Variants in XDH observed in about 807,000 individuals in gnomAD.
The protein encoded by XDH is xanthine dehydrogenase.
A neutral mutation model predicts 156.1 loss-of-function variants in XDH; 138 were observed. The observed-to-expected ratio is 0.88, with a 90% CI of 0.77 to 1.02. The LOEUF is 1.02. XDH is among the 50% of genes least tolerant of loss of function. The pLI is 0.00. For synonymous variants in XDH, 669 were observed against 625.7 expected, an observed-to-expected ratio of 1.07 and a Z score of -1.03; for missense variants, 1,849 against 1,684.9, an observed-to-expected ratio of 1.10 and a Z score of -1.71.
chr2:31,361,440 A>G (rs1429099775), intron 24 of XDH, among the ~76,000 whole-genome samples: 2 of 152,242 alleles, frequency 1.3e-5, no homozygotes, highest in African/African-American at 4.8e-5. Context: ...TCAGACTGTA[A>G]CTTTGAAATC....
rs1227055977 is a variant in XDH at position 31,346,802 on chromosome 2, C to T, written c.3318G>A (p.Lys1106=). 16 of 1,614,044 alleles carry T rather than the reference C, an allele frequency of 9.9e-6. No individual in the cohort carries two copies. Among genetic ancestry groups the T allele is most frequent in the African/African-American group, 1.3e-5 (1 of 74,904 alleles). Residue 1106 remains lysine (K), a synonymous_variant, in exon 30 of 36, where the codon AAG becomes AAA. Transcript: ENST00000379416. ...CCCAGGAGCCACTGGGATTCTTCTT[C>T]TTGTAGGGTTCCAGCCTTTTCAAGA... ...QTILKRLEPY[K]KKNPSGSWED... is the part of the protein sequence containing the mutation.
intron 7 of XDH, 52 bp downstream of exon 7, chr2:31,388,175 C>A: frequency 6.3e-7 from 1 of 1,598,818 alleles, no homozygotes; most frequent in Non-Finnish European, 8.6e-7. Flanking sequence ...GCACTGACTC[C>A]TCTAAGTCTC....
At chr2:31,357,461 T>C (rs1685655564) in intron 24 of XDH, among the ~76,000 whole-genome samples, 1 of 152,160 alleles carries the variant, frequency 6.6e-6, no homozygotes, top group South Asian at 2.1e-4. Flanking sequence ...TATGAACGAT[T>C]CTACACACAT....
Position 31,348,310 on chromosome 2 carries a change from C to T in XDH, c.3105G>A (p.Gly1035=), listed in dbSNP as rs1327388914. 1.2e-6 allele frequency: 2 copies of T among 1,614,074 alleles called. No homozygotes were observed. The highest frequency in any genetic ancestry group is 1.7e-6 in the Non-Finnish European group (2 of 1,180,046). ...YTDGSVLLTH[G]GTEMGQGLHT... is the part of the protein sequence containing the mutation. ...GAAGGCCTTGGCCCATCTCAGTCCCCCCGTGGGTCAGCAGCACAGAGCCAT... is the reference window on the plus strand; with the variant it reads ...GAAGGCCTTGGCCCATCTCAGTCCCTCCGTGGGTCAGCAGCACAGAGCCAT... The change falls in exon 28 of 36, where the codon GGG becomes GGA. Residue 1035 remains glycine, a synonymous_variant. Coordinates refer to ENST00000379416, the MANE Select transcript of XDH (RefSeq NM_000379.4).
intron 34 of XDH, 85 bp downstream of exon 34, chr2:31,339,404 G>T (rs1213424462): frequency 1.3e-6 from 2 of 1,567,782 alleles, no homozygotes; most frequent in South Asian, 1.1e-5. Flanking sequence ...GTCCCACCAG[G>T]TGGGTCACTG....
At chr2:31,375,336 C>A (rs371716473) in intron 15 of XDH, 44 bp downstream of exon 15, 55 of 1,613,670 alleles carry the variant, frequency 3.4e-5, no homozygotes, top group Non-Finnish European at 4.4e-5. Context: ...CTTATATCCC[C>A]AAACATGCTA....
chr2:31,364,248 A>T lies in XDH; in HGVS notation c.2545-4T>A. 6.2e-7 allele frequency: 1 copy of T among 1,614,136 alleles called. No homozygotes were observed. Among genetic ancestry groups the T allele is most frequent in the Non-Finnish European group, 8.5e-7 (1 of 1,179,988 alleles). ...TCCCAGTCTTCATGAAGCCAACCTGATAAAAGGAGAAAGGAGAGGGATTTA... is the reference window on the plus strand; with the variant it reads ...TCCCAGTCTTCATGAAGCCAACCTGTTAAAAGGAGAAAGGAGAGGGATTTA... On this transcript the variant is annotated splice_polypyrimidine_tract_variant and splice_region_variant and intron_variant, in intron 23 of 35. Coordinates refer to ENST00000379416, the MANE Select transcript of XDH (RefSeq NM_000379.4).
intron 31 of XDH, 137 bp downstream of exon 31, chr2:31,344,547 T>G: frequency 2.0e-6 from 2 of 1,001,410 alleles, no homozygotes; most frequent in Non-Finnish European, 3.1e-6. Context: ...TAGACTGAAA[T>G]TAGCGGAAGT....
chr2:31,344,178 A>T (rs1685218547), intron 31 of XDH, among the ~76,000 whole-genome samples: 1 of 152,142 alleles, frequency 6.6e-6, no homozygotes, highest in South Asian at 2.1e-4. Flanking sequence ...CTGTATTAAT[A>T]AGTTTCCACT....
intron 2 of XDH, among the ~76,000 whole-genome samples, chr2:31,403,621 G>C (rs1687120471): frequency 6.6e-6 from 1 of 152,172 alleles, no homozygotes; most frequent in African/African-American, 2.4e-5. Flanking sequence ...TTTTTGGGCT[G>C]ATAAGTCCCC....
Position 31,366,974 on chromosome 2 carries a change from G to A in XDH, c.2218C>T (p.Gln740Ter). The A allele has an allele frequency of 1.2e-6, 2 of 1,614,080 alleles. No individual in the cohort carries two copies. Among genetic ancestry groups the A allele is most frequent in the South Asian group, 2.2e-5 (2 of 91,068 alleles). ...VVSGEIYIGG[Q>*]EHFYLETHCT... is the part of the protein sequence containing the mutation. ...TGAGTCTCCAGGTAGAAGTGCTCTTGGCCACCGATGTATATCTCCCCTGGG... is the reference window on the plus strand; with the variant it reads ...TGAGTCTCCAGGTAGAAGTGCTCTTAGCCACCGATGTATATCTCCCCTGGG... The change falls in exon 21 of 36, where the codon CAA becomes TAA. Residue 740 changes from glutamine to a stop codon, truncating the protein, a stop_gained. Transcript: ENST00000379416. LOFTEE classifies it high-confidence loss of function.
intron 1 of XDH, among the ~76,000 whole-genome samples, chr2:31,408,707 A>C (rs1315484466): frequency 1.3e-5 from 2 of 152,332 alleles, no homozygotes; most frequent in Middle Eastern, 3.4e-3. Context: ...TAGTACAGCC[A>C]CTATGGAGAA....
At chr2:31,375,032 T>G (rs1686204589) in intron 15 of XDH, among the ~76,000 whole-genome samples, 2 of 143,242 alleles carry the variant, frequency 1.4e-5, no homozygotes, top group Middle Eastern at 3.5e-3. Context: ...TCTTTTTTTT[T>G]TTTTTTTTTT....
At position 31,406,089 on chromosome 2, in the gene XDH, C is replaced by G. The variant is rs206802; in HGVS notation, c.43-125G>C. The G allele has an allele frequency of 0.15, 164,956 of 1,069,562 alleles. 13,398 individuals are homozygous for G. The highest frequency in any genetic ancestry group is 0.24 in the African/African-American group (15,217 of 63,674). 66.3% of individuals were successfully genotyped at this position (1,069,562 alleles called of 1,614,324 possible). ...TTAGTAGGAAGTGTGATATAGTTTG[C>G]ACTCTGCCCCTCTAAATCTCATGTT... On this transcript the variant is annotated intron_variant, in intron 1 of 35. Coordinates refer to ENST00000379416, the MANE Select transcript of XDH (RefSeq NM_000379.4).
intron 7 of XDH, 44 bp downstream of exon 7, chr2:31,388,183 C>A: frequency 6.2e-7 from 1 of 1,607,676 alleles, no homozygotes. Context: ...TCCTCTAAGT[C>A]TCAGATTACC....
chr2:31,372,424 G>T (rs1253152257), intron 16 of XDH, 27 bp from the exon 17 acceptor site: 1 of 1,613,604 alleles, frequency 6.2e-7, no homozygotes, highest in Non-Finnish European at 8.5e-7. Context: ...ATCAATCAGG[G>T]TGAGCTGCCA....
rs1258221922 is a variant in XDH at position 31,341,379 on chromosome 2, T to A, written c.3535A>T (p.Ile1179Phe). Residue 1179 changes from isoleucine to phenylalanine, a missense_variant, in exon 33 of 36, where the codon ATT becomes TTT. Physicochemically the swap from Ile to Phe is conservative, Grantham distance 21. Transcript: ENST00000379416. ...TGDHKNLRTD[I>F]VMDVGSSLNP... ...AGACTGGAGCCAACATCCATGACAA[T>A]ATCTGTGCGGAGGTTCTAGAGTAGA... 6.3e-7 allele frequency: 1 copy of A among 1,579,180 alleles called. No individual in the cohort carries two copies. Among genetic ancestry groups the A allele is most frequent in the South Asian group, 1.2e-5 (1 of 86,340 alleles).
At chr2:31,391,569 T>C (rs568753533) in intron 6 of XDH, among the ~76,000 whole-genome samples, 1 of 152,338 alleles carries the variant, frequency 6.6e-6, no homozygotes, top group African/African-American at 2.4e-5. Context: ...TGGGATTGCA[T>C]TGAGTCTACA....
At chr2:31,371,728 G>C (rs1686077275) in intron 17 of XDH, among the ~76,000 whole-genome samples, 1 of 151,920 alleles carries the variant, frequency 6.6e-6, no homozygotes, top group African/African-American at 2.4e-5. Context: ...GATTTCAGCT[G>C]TGCCTGGTTC....
Sources: gnomAD v4.1 joint callset for allele counts (sites outside exome capture counted in the v4.1 genomes callset) on GRCh38, gnomAD v4.1.1 for gene constraint, MANE v1.5 for transcripts, NCBI Gene and HGNC (gene_info 2026-07-23, HGNC 2026-07-21) for gene names.